Variants in PSAT1 observed in about 807,000 individuals in gnomAD.
PSAT1 encodes the protein phosphoserine aminotransferase.
Under a neutral mutation model 40.3 loss-of-function variants are expected in PSAT1, and 41 were observed. The observed-to-expected ratio is 1.02, with a 90% CI of 0.79 to 1.32. The LOEUF is 1.32. PSAT1 is among the 40% of genes most tolerant of loss of function. The probability of loss-of-function intolerance (pLI) is 0.00; values close to 1 mark genes in which losing one functional copy is unlikely to be tolerated. For synonymous variants in PSAT1, 147 were observed against 170.5 expected, an observed-to-expected ratio of 0.86 and a Z score of 1.07; for missense variants, 406 against 455.8, an observed-to-expected ratio of 0.89 and a Z score of 0.99.
At chr9:78,301,370 G>C (rs1339615582) in intron 2 of PSAT1, among the ~76,000 whole-genome samples, 1 of 152,076 alleles carries the variant, frequency 6.6e-6, no homozygotes, top group Non-Finnish European at 1.5e-5. Flanking sequence ...AAGTACATAA[G>C]CCTTTTATGA....
At chr9:78,306,152 C>T (rs1306995230) in intron 4 of PSAT1, among the ~76,000 whole-genome samples, 162 bp from the exon 5 acceptor site, 1 of 152,200 alleles carries the variant, frequency 6.6e-6, no homozygotes, top group Non-Finnish European at 1.5e-5. Context: ...ACGATGGTAA[C>T]AAAGGATGAG....
chr9:78,304,938 C>G lies in PSAT1; in HGVS notation c.395C>G (p.Thr132Arg), dbSNP rs1564013551. ...GTTCACCCTAAACTTGGGAGTTATA[C>G]AAGTAAGTTCTGGGAGCTGAGCTGG... ...NIVHPKLGSY[T>R]KIPDPSTWNL... The change falls in exon 4 of 9, where the codon ACA becomes AGA. Residue 132 changes from threonine to arginine, a missense_variant and splice_region_variant. Thr to Arg is a moderately conservative substitution (Grantham distance 71). Transcript: ENST00000376588. 1 of 1,612,288 alleles carries G rather than the reference C, an allele frequency of 6.2e-7. No individual in the cohort carries two copies. The highest frequency in any genetic ancestry group is 1.1e-5 in the South Asian group (1 of 90,998).
intron 6 of PSAT1, among the ~76,000 whole-genome samples, chr9:78,312,138 T>C (rs1828277956): frequency 6.6e-6 from 1 of 152,016 alleles, no homozygotes; most frequent in Non-Finnish European, 1.5e-5. Flanking sequence ...CTTCAAATCG[T>C]TGCTCCGTAG....
At chr9:78,315,176 C>G (rs186808439) in intron 6 of PSAT1, among the ~76,000 whole-genome samples, 1 of 152,166 alleles carries the variant, frequency 6.6e-6, no homozygotes, top group Non-Finnish European at 1.5e-5. Context: ...CAGTCCCACT[C>G]GCAGGGGAGC....
At chr9:78,320,874 A>T (rs1828419867) in intron 7 of PSAT1, among the ~76,000 whole-genome samples, 1 of 152,174 alleles carries the variant, frequency 6.6e-6, no homozygotes, top group South Asian at 2.1e-4. Context: ...ATTAGCTTTT[A>T]GCTCTATACA....
intron 6 of PSAT1, among the ~76,000 whole-genome samples, chr9:78,315,104 C>T (rs534926141): frequency 6.6e-6 from 1 of 152,102 alleles, no homozygotes. Context: ...AATGCACACC[C>T]ACGTGCATGT....
chr9:78,326,440 T>C (rs1338762665), intron 7 of PSAT1, among the ~76,000 whole-genome samples: 2 of 152,098 alleles, frequency 1.3e-5, no homozygotes, highest in Non-Finnish European at 2.9e-5. Flanking sequence ...AACACGAACC[T>C]TTCCTAGACA....
chr9:78,304,667 G>A, intron 3 of PSAT1, 68 bp from the exon 4 acceptor site: 6 of 1,438,460 alleles, frequency 4.2e-6, no homozygotes, highest in South Asian at 1.1e-5. Flanking sequence ...ACTTGGTAGA[G>A]CATCACTTGT....
In PSAT1 at chr9:78,297,481, C is replaced by G. The variant is rs10746571; in HGVS notation, c.60+211C>G. Among the ~76,000 whole-genome samples the G allele has an allele frequency of 0.76, 115,912 of 152,174 alleles. 44,344 individuals carry two copies. The highest frequency in any genetic ancestry group is 0.82 in the Admixed American group (12,522 of 15,302). Reference sequence around the variant, plus strand: ...GTGAGGAAGCTCGGCGAGGCGTGCCCGTGCAGCTGCCCCTGGCCCTGACTG... The same window carrying G: ...GTGAGGAAGCTCGGCGAGGCGTGCCGGTGCAGCTGCCCCTGGCCCTGACTG... On this transcript the variant is annotated intron_variant, in intron 1 of 8. Coordinates refer to ENST00000376588, the MANE Select transcript of PSAT1 (RefSeq NM_058179.4).
At chr9:78,301,769 A>G (rs987597149) in intron 2 of PSAT1, among the ~76,000 whole-genome samples, 185 bp from the exon 3 acceptor site, 12 of 152,210 alleles carry the variant, frequency 7.9e-5, no homozygotes, top group African/African-American at 2.9e-4. Flanking sequence ...TAAAGCTAAA[A>G]TGTTTGCAAT....
intron 1 of PSAT1, among the ~76,000 whole-genome samples, chr9:78,299,013 G>T (rs117385801): frequency 2.0e-5 from 3 of 151,778 alleles, no homozygotes; most frequent in Non-Finnish European, 4.4e-5. Context: ...GGTGGCGCAC[G>T]CCTGTAATCC....
chr9:78,308,611 C>T, intron 6 of PSAT1, 28 bp downstream of exon 6: 1 of 1,612,136 alleles, frequency 6.2e-7, no homozygotes, highest in Non-Finnish European at 8.5e-7. Flanking sequence ...TCTTGTGGAC[C>T]CAGGGAGGGG....
chr9:78,314,783 G>A (rs1163804895), intron 6 of PSAT1, among the ~76,000 whole-genome samples: 1 of 152,014 alleles, frequency 6.6e-6, no homozygotes, highest in Non-Finnish European at 1.5e-5. Context: ...GGCTAGGACG[G>A]TGGACCTGAC....
At position 78,306,294 on chromosome 9, in the gene PSAT1, A is replaced by C; in HGVS notation, c.398-20A>C. On this transcript the variant is annotated intron_variant, in intron 4 of 8. Coordinates refer to ENST00000376588, the MANE Select transcript of PSAT1 (RefSeq NM_058179.4). Reference sequence around the variant, plus strand: ...AGGAGAGTGAAAAGTGCAAAGTCTCAAACTTGTCTTCTGTGATAGAAATTC... The same window carrying C: ...AGGAGAGTGAAAAGTGCAAAGTCTCCAACTTGTCTTCTGTGATAGAAATTC... 6.2e-7 allele frequency: 1 copy of C among 1,612,006 alleles called. No individual in the cohort carries two copies. Among genetic ancestry groups the C allele is most frequent in the Non-Finnish European group, 8.5e-7 (1 of 1,179,820 alleles).
chr9:78,313,414 G>A (rs760220975), intron 6 of PSAT1, among the ~76,000 whole-genome samples: 42 of 152,092 alleles, frequency 2.8e-4, no homozygotes, highest in Non-Finnish European at 5.3e-4. Flanking sequence ...TCTTAGCAAA[G>A]ACTTGCAGGT....
In PSAT1 at chr9:78,317,700, G is replaced by A; in HGVS notation, c.765G>A (p.Leu255=). Residue 255 remains leucine (L), a synonymous_variant, in exon 7 of 9, where the codon CTG becomes CTA. Transcript: ENST00000376588. ...CFSIYVMGLV[L]EWIKNNGGAA... The stretch of plus-strand genomic sequence containing the variant: ...GCATCTACGTCATGGGCTTGGTTCT[G>A]GAGTGGATTAAAAACAATGGAGGTG... 6.2e-7 allele frequency: 1 copy of A among 1,613,896 alleles called. No homozygotes were observed. Among genetic ancestry groups the A allele is most frequent in the Non-Finnish European group, 8.5e-7 (1 of 1,179,848 alleles).
intron 6 of PSAT1, among the ~76,000 whole-genome samples, chr9:78,313,339 G>A (rs185091555): frequency 1.8e-4 from 27 of 152,252 alleles, no homozygotes; most frequent in African/African-American, 5.8e-4. Flanking sequence ...CACTCCAGCC[G>A]GGGTGACAGC....
chr9:78,318,606 A>C (rs1418860055), intron 7 of PSAT1, among the ~76,000 whole-genome samples: 1 of 152,166 alleles, frequency 6.6e-6, no homozygotes, highest in African/African-American at 2.4e-5. Context: ...TTGTGGCTGC[A>C]TCACTCCAGC....
chr9:78,301,297 A>G (rs1828104198), intron 2 of PSAT1, among the ~76,000 whole-genome samples: 1 of 152,200 alleles, frequency 6.6e-6, no homozygotes, highest in Non-Finnish European at 1.5e-5. Context: ...AACATTTATA[A>G]TATTGCTTTA....
Sources: allele counts gnomAD v4.1 joint callset (sites outside exome capture counted in the v4.1 genomes callset), GRCh38; gene constraint gnomAD v4.1.1; transcripts MANE v1.5; gene names NCBI Gene and HGNC (gene_info 2026-07-23, HGNC 2026-07-21).